The following CTNNA3 variants were observed in gnomAD, a reference collection of about 807,000 sequenced individuals.
CTNNA3 encodes catenin alpha-3.
CTNNA3 carries 76 observed loss-of-function variants against 95.7 expected under a neutral mutation model. The ratio of observed to expected loss-of-function variants is 0.79; its 90% CI spans 0.66 to 0.96. CTNNA3 has a LOEUF of 0.96. Ranked by LOEUF, CTNNA3 falls within the 40% of genes least tolerant of loss-of-function variation. The pLI, the probability that CTNNA3 is intolerant of heterozygous loss-of-function variation, is 0.00. For synonymous variants in CTNNA3, 431 were observed against 374.4 expected (o/e 1.15, Z -1.74); for missense variants, 1,191 against 1,089.8 (o/e 1.09, Z -1.31).
chr10:67,758,268 C>T (rs550040646), intron 1 of CTNNA3, among the ~76,000 whole-genome samples: 1 of 150,940 alleles, frequency 6.6e-6, no homozygotes, highest in Admixed American at 6.6e-5. Flanking sequence ...TATAATAAAT[C>T]TCCTCATGTG....
intron 13 of CTNNA3, among the ~76,000 whole-genome samples, chr10:66,106,516 T>A (rs950898750): frequency 1.3e-5 from 2 of 152,110 alleles, no homozygotes; most frequent in East Asian, 3.9e-4. Flanking sequence ...GCAATATGTG[T>A]TCTCTTTTAA....
chr10:66,354,605 G>A (rs986771435), intron 12 of CTNNA3, among the ~76,000 whole-genome samples: 6 of 152,046 alleles, frequency 3.9e-5, no homozygotes, highest in African/African-American at 1.4e-4. Context: ...GTGGATCGTT[G>A]AAAATGCCTC....
At chr10:66,307,913 C>T (rs996644421) in intron 12 of CTNNA3, among the ~76,000 whole-genome samples, 1 of 152,150 alleles carries the variant, frequency 6.6e-6, no homozygotes, top group African/African-American at 2.4e-5. Context: ...ATTAAGCAGC[C>T]ACTCTGCTGG....
intron 11 of CTNNA3, among the ~76,000 whole-genome samples, chr10:66,415,618 G>A (rs1189482108): frequency 6.6e-6 from 1 of 152,108 alleles, no homozygotes; most frequent in East Asian, 1.9e-4. Flanking sequence ...GCCCACTGCT[G>A]CAACCACAGG....
chr10:66,378,692 A>G lies in CTNNA3; in HGVS notation c.1732+460T>C, dbSNP rs79573318. On this transcript the variant is annotated intron_variant, in intron 12 of 17. Coordinates refer to ENST00000433211, the MANE Select transcript of CTNNA3 (RefSeq NM_013266.4). The stretch of plus-strand genomic sequence containing the variant: ...ATCAAAGAAGATTATGTGCAAGAAC[A>G]AATTGCTGTTTTGCAAACAGACTGC... Among the ~76,000 whole-genome samples, 804 of 152,330 alleles carry G rather than the reference A, an allele frequency of 5.3e-3. 3 individuals are homozygous for G. The highest frequency in any genetic ancestry group is 9.1e-3 in the Non-Finnish European group (617 of 68,034).
intron 13 of CTNNA3, among the ~76,000 whole-genome samples, chr10:66,156,665 T>C (rs2084524207): frequency 6.6e-6 from 1 of 151,544 alleles, no homozygotes; most frequent in African/African-American, 2.4e-5. Context: ...ATAGAGGAGA[T>C]GATATTTCAC....
chr10:67,388,994 T>G (rs971959255), intron 5 of CTNNA3, among the ~76,000 whole-genome samples: 8 of 152,000 alleles, frequency 5.3e-5, no homozygotes, highest in African/African-American at 1.9e-4. Flanking sequence ...AGGAAGAAAC[T>G]GCATCAACTA....
intron 7 of CTNNA3, among the ~76,000 whole-genome samples, chr10:67,038,238 C>T (rs1854186496): frequency 6.6e-6 from 1 of 151,870 alleles, no homozygotes; most frequent in Admixed American, 6.6e-5. Flanking sequence ...TGTTGATTAG[C>T]CATTCTAAAA....
intron 9 of CTNNA3, among the ~76,000 whole-genome samples, chr10:66,659,405 T>A (rs1846180202): frequency 6.6e-6 from 1 of 152,110 alleles, no homozygotes; most frequent in Non-Finnish European, 1.5e-5. Flanking sequence ...AGCTAAAGTT[T>A]TATTTAGAAG....
intron 11 of CTNNA3, among the ~76,000 whole-genome samples, chr10:66,409,298 C>T (rs571133514): frequency 6.6e-6 from 1 of 152,184 alleles, no homozygotes; most frequent in Admixed American, 6.5e-5. Context: ...ATTGCTCTAA[C>T]TTTGCTTCAT....
At chr10:67,248,885 T>C (rs1866003361) in intron 5 of CTNNA3, among the ~76,000 whole-genome samples, 1 of 152,202 alleles carries the variant, frequency 6.6e-6, no homozygotes, top group Non-Finnish European at 1.5e-5. Flanking sequence ...GAGTTATTTA[T>C]ATCCTACTGC....
At chr10:66,020,740 T>C (rs912755828) in intron 15 of CTNNA3, among the ~76,000 whole-genome samples, 7 of 150,392 alleles carry the variant, frequency 4.7e-5, no homozygotes, top group African/African-American at 1.7e-4. Context: ...CGATCTCTGC[T>C]CACTCACTGC....
At chr10:65,962,065 C>G (rs1049053561) in intron 17 of CTNNA3, among the ~76,000 whole-genome samples, 1 of 152,120 alleles carries the variant, frequency 6.6e-6, no homozygotes, top group African/African-American at 2.4e-5. Flanking sequence ...CTGCCACAGT[C>G]AAGTCTCAGA....
chr10:66,031,980 A>G lies in CTNNA3; in HGVS notation c.2159+37328T>C, dbSNP rs74143660. Among the ~76,000 whole-genome samples, 900 of 152,326 alleles carry G rather than the reference A, an allele frequency of 5.9e-3. 13 individuals carry two copies. Among genetic ancestry groups the G allele is most frequent in the African/African-American group, 0.02 (835 of 41,580 alleles). On this transcript the variant is annotated intron_variant, in intron 15 of 17. Coordinates refer to ENST00000433211, the MANE Select transcript of CTNNA3 (RefSeq NM_013266.4). ...AACTGAAAAACATTGGTATAAATTT[A>G]TGGGGAGTCAAAAGGCAATGACTGC...
At chr10:66,759,768 C>T (rs1423435588) in intron 9 of CTNNA3, among the ~76,000 whole-genome samples, 1 of 152,156 alleles carries the variant, frequency 6.6e-6, no homozygotes, top group African/African-American at 2.4e-5. Context: ...ATATAAAATA[C>T]ATCCCAAATT....
chr10:67,250,452 T>C (rs1033595039), intron 5 of CTNNA3, among the ~76,000 whole-genome samples: 26 of 152,014 alleles, frequency 1.7e-4, no homozygotes, highest in Non-Finnish European at 2.1e-4. Flanking sequence ...CTTGACCTCA[T>C]GATCTGCTCA....
intron 13 of CTNNA3, among the ~76,000 whole-genome samples, chr10:66,173,127 C>T (rs532272693): frequency 6.6e-6 from 1 of 152,104 alleles, no homozygotes. Flanking sequence ...CATGTACATC[C>T]TAATCTATTA....
chr10:66,291,234 C>T (rs938560794), intron 12 of CTNNA3, among the ~76,000 whole-genome samples: 1 of 152,106 alleles, frequency 6.6e-6, no homozygotes, highest in African/African-American at 2.4e-5. Flanking sequence ...TGAAGTTTTA[C>T]AAGGCTGTAG....
chr10:66,447,348 A>T (rs554010160), intron 11 of CTNNA3, among the ~76,000 whole-genome samples: 1 of 147,466 alleles, frequency 6.8e-6, no homozygotes, highest in African/African-American at 2.6e-5. Flanking sequence ...TGGAACCAAA[A>T]AAGAGCCCGC....
Sources: allele counts gnomAD v4.1 joint callset (sites outside exome capture counted in the v4.1 genomes callset), GRCh38; gene constraint gnomAD v4.1.1; transcripts MANE v1.5; gene names NCBI Gene and HGNC (gene_info 2026-07-23, HGNC 2026-07-21).